Variants in UNC80 observed in about 807,000 individuals in gnomAD.
UNC80 encodes protein unc-80 homolog.
UNC80 carries 164 observed loss-of-function variants against 384.6 expected under a neutral mutation model. The ratio of observed to expected loss-of-function variants is 0.43; its 90% CI spans 0.38 to 0.49. The LOEUF (loss-of-function observed/expected upper bound fraction) is 0.49, where lower values mean the gene tolerates loss of function less well. Among genes scored for constraint, UNC80 ranks in the 20% least tolerant of loss-of-function variants. The pLI is 0.00. For missense variants in UNC80, 3,330 were observed against 4,143.0 expected, an observed-to-expected ratio of 0.80 and a Z score of 5.39; for synonymous variants, 1,486 against 1,527.8, an observed-to-expected ratio of 0.97 and a Z score of 0.64.
rs565371456 is a variant in UNC80 at position 209,885,916 on chromosome 2, C to T, written c.4111-2179C>T. Among the ~76,000 whole-genome samples, 197 of 152,088 alleles carry T rather than the reference C, an allele frequency of 1.3e-3. 1 individual carries two copies. Among genetic ancestry groups the T allele is most frequent in the African/African-American group, 4.5e-3 (187 of 41,512 alleles). On this transcript the variant is annotated intron_variant, in intron 25 of 64. Transcript: ENST00000673920. ...CATAGCTGGGACTACAGGCACCTGC[C>T]ATCACGCCCACCTAATTTTTGTATT...
At position 209,820,658 on chromosome 2, in the gene UNC80, G is replaced by T. The variant is rs1294951793; in HGVS notation, c.2310G>T (p.Lys770Asn). The change falls in exon 13 of 65, where the codon AAG becomes AAT. Residue 770 changes from lysine (K) to asparagine (N), a missense_variant. Coordinates refer to ENST00000673920, the MANE Select transcript of UNC80 (RefSeq NM_001371986.1). ...GAGGTGGAGGCGGCCCTTATGAGAA[G>T]AATGATAAGAACCAAGAGAAGGTAT... Reference protein sequence around the residue: ...GGGGGGGPYEKNDKNQEKDES... With the variant: ...GGGGGGGPYENNDKNQEKDES... The T allele has an allele frequency of 6.5e-7, 1 of 1,544,266 alleles. No homozygotes were observed. The highest frequency in any genetic ancestry group is 1.2e-5 in the South Asian group (1 of 82,684).
intron 6 of UNC80, among the ~76,000 whole-genome samples, chr2:209,790,937 T>G (rs896453178): frequency 1.3e-5 from 2 of 152,202 alleles, no homozygotes; most frequent in Non-Finnish European, 2.9e-5. Flanking sequence ...ATTTTTTTCT[T>G]AATGTTACGT....
At chr2:209,793,521 G>A (rs1374636883) in intron 6 of UNC80, among the ~76,000 whole-genome samples, 199 bp from the exon 7 acceptor site, 2 of 152,040 alleles carry the variant, frequency 1.3e-5, no homozygotes, top group Non-Finnish European at 2.9e-5. Flanking sequence ...TGACACAGGT[G>A]ATCCCTAGAA....
At chr2:209,811,821 G>C (rs1013635114) in intron 7 of UNC80, among the ~76,000 whole-genome samples, 1 of 152,118 alleles carries the variant, frequency 6.6e-6, no homozygotes, top group Non-Finnish European at 1.5e-5. Flanking sequence ...CTATTAACAA[G>C]AGAAAAAATA....
chr2:209,881,226 G>A, intron 25 of UNC80, 132 bp downstream of exon 25: 3 of 1,042,446 alleles, frequency 2.9e-6, no homozygotes, highest in Non-Finnish European at 4.0e-6. Flanking sequence ...ATTCAACCAA[G>A]GGATTTTGAA....
chr2:209,821,281 G>T (rs2080115550), intron 13 of UNC80, among the ~76,000 whole-genome samples: 1 of 152,048 alleles, frequency 6.6e-6, no homozygotes, highest in Non-Finnish European at 1.5e-5. Flanking sequence ...TCTTATATGG[G>T]CCCAATCCCA....
intron 8 of UNC80, among the ~76,000 whole-genome samples, chr2:209,814,938 C>A (rs1297379591): frequency 1.3e-5 from 2 of 151,514 alleles, no homozygotes; most frequent in African/African-American, 2.4e-5. Flanking sequence ...TTTACTGAAT[C>A]ATTCAATGGA....
intron 31 of UNC80, among the ~76,000 whole-genome samples, chr2:209,917,011 T>C (rs2089599532): frequency 6.6e-6 from 1 of 152,176 alleles, no homozygotes; most frequent in Non-Finnish European, 1.5e-5. Flanking sequence ...TTGCACAAGA[T>C]CTCATGGCAG....
chr2:209,970,740 AT>A, intron 53 of UNC80, 91 bp from the exon 54 acceptor site: 1 of 1,419,272 alleles, frequency 7.0e-7, no homozygotes, highest in Admixed American at 2.8e-5. Flanking sequence ...TCAATTTATC[AT>A]TTTTATTATC....
At chr2:209,913,166 T>C (rs1403779329) in intron 30 of UNC80, among the ~76,000 whole-genome samples, 1 of 152,232 alleles carries the variant, frequency 6.6e-6, no homozygotes, top group African/African-American at 2.4e-5. Flanking sequence ...CTTGACACAT[T>C]GTTATATTGT....
intron 63 of UNC80, among the ~76,000 whole-genome samples, 155 bp from the exon 64 acceptor site, chr2:209,993,910 G>A (rs758289771): frequency 1.8e-4 from 28 of 152,088 alleles, no homozygotes; most frequent in African/African-American, 3.4e-4. Flanking sequence ...TCAAACATGC[G>A]CAAAATGTTC....
chr2:209,790,946 G>A (rs574060635), intron 6 of UNC80, among the ~76,000 whole-genome samples: 2 of 152,014 alleles, frequency 1.3e-5, no homozygotes, highest in Non-Finnish European at 2.9e-5. Flanking sequence ...TTAATGTTAC[G>A]TAAAATAATG....
At position 209,976,792 on chromosome 2, in the gene UNC80, G is replaced by A. The variant is rs553525986; in HGVS notation, c.8773-121G>A. On this transcript the variant is annotated intron_variant, in intron 57 of 64. Transcript: ENST00000673920. This position sits in a 1 kb window ranked among gnomAD's most constrained non-coding sequence, Gnocchi z 4.3. ...TTAAGCACTTCCTGTGTAAAGTGCC[G>A]TTCTAGGAACATCACATGCATTACC... 39 of 1,171,314 alleles carry A rather than the reference G, an allele frequency of 3.3e-5. No individual in the cohort carries two copies. In the East Asian group the frequency reaches 3.4e-4, roughly 10 times the overall value. The allele number at this position is 1,171,314 out of a possible 1,614,324, so 72.6% of individuals were successfully genotyped here. A position where few individuals can be genotyped will look rare whatever the true frequency, so the allele number is the denominator to read the frequency against.
At chr2:209,958,899 G>A (rs372352597) in intron 49 of UNC80, among the ~76,000 whole-genome samples, 7 of 152,202 alleles carry the variant, frequency 4.6e-5, no homozygotes, top group African/African-American at 1.2e-4. Flanking sequence ...CCCAAATCAC[G>A]CAACAATAAA....
At chr2:209,992,317 A>G in intron 62 of UNC80, 70 bp downstream of exon 62, 6 of 1,397,618 alleles carry the variant, frequency 4.3e-6, no homozygotes, top group South Asian at 1.3e-5. Context: ...TTTAATGCCC[A>G]TGTATATTAA....
chr2:209,959,452 T>G, intron 50 of UNC80, 37 bp from the exon 51 acceptor site: 3 of 1,540,534 alleles, frequency 1.9e-6, no homozygotes, highest in Admixed American at 2.0e-5. Flanking sequence ...CATGAATACA[T>G]TTTCAGACCC....
At chr2:209,982,867 T>C (rs1198324115) in intron 60 of UNC80, 9 of 151,966 alleles carry the variant, frequency 5.9e-5, no homozygotes. Context: ...GTTCTATGAT[T>C]CCATGACAAA....
At chr2:209,789,820 C>T (rs528548037) in intron 6 of UNC80, among the ~76,000 whole-genome samples, 1 of 151,916 alleles carries the variant, frequency 6.6e-6, no homozygotes, top group Admixed American at 6.6e-5. Context: ...GAAATAAGAC[C>T]ATATACGACT....
intron 7 of UNC80, among the ~76,000 whole-genome samples, chr2:209,810,293 G>T (rs752096737): frequency 4.6e-5 from 7 of 152,176 alleles, no homozygotes; most frequent in African/African-American, 9.7e-5. Flanking sequence ...CCAACAGGTA[G>T]GCCTGGGAGG....
Sources: gnomAD v4.1 joint callset for allele counts (sites outside exome capture counted in the v4.1 genomes callset) on GRCh38, gnomAD v4.1.1 for gene constraint, Gnocchi (gnomAD v3.1) non-coding constraint, MANE v1.5 for transcripts, NCBI Gene and HGNC (gene_info 2026-07-23, HGNC 2026-07-21) for gene names.